DMD: variants seen among roughly 807,000 people sequenced by gnomAD.
The protein encoded by DMD is dystrophin, also known as mutant dystrophin.
A neutral mutation model predicts 330.1 loss-of-function variants in DMD; 63 were observed. That is an observed-to-expected ratio of 0.19 (90% CI 0.16 to 0.24). DMD has a LOEUF of 0.24. Among genes scored for constraint, DMD ranks in the 10% least tolerant of loss-of-function variants. The pLI, the probability that DMD is intolerant of heterozygous loss-of-function variation, is 1.00. For synonymous variants in DMD, 1,223 were observed against 959.8 expected (o/e 1.27, Z -5.07); for missense variants, 3,344 against 2,684.1 (o/e 1.25, Z -5.43).
At chrX:32,803,962 T>A (rs150613152) in intron 7 of DMD, among the ~76,000 whole-genome samples, 3,421 of 111,983 alleles carry the variant, frequency 0.031, 118 homozygotes, top group African/African-American at 0.099. Flanking sequence ...TGTAGATGTC[T>A]ATTAGGTCTG....
At chrX:32,358,548 A>G (rs1349203002) in intron 37 of DMD, among the ~76,000 whole-genome samples, 1 of 112,084 alleles carries the variant, frequency 8.9e-6, no homozygotes, top group African/African-American at 3.2e-5. Context: ...CTTTTTTCAA[A>G]GTCATTGGAT....
chrX:32,653,649 T>C (rs2060337180), intron 9 of DMD, among the ~76,000 whole-genome samples: 2 of 112,066 alleles, frequency 1.8e-5, no homozygotes, highest in Non-Finnish European at 3.8e-5. Flanking sequence ...GGGCTCTTTT[T>C]TGGTTCCATA....
chrX:31,851,030 G>T (rs865811291), intron 48 of DMD, among the ~76,000 whole-genome samples: 3 of 112,369 alleles, frequency 2.7e-5, no homozygotes, highest in Non-Finnish European at 3.8e-5. Flanking sequence ...AGTCCAGATT[G>T]TCAGTCAGAC....
chrX:32,899,838 G>A (rs767812119), intron 2 of DMD, among the ~76,000 whole-genome samples: 2 of 111,621 alleles, frequency 1.8e-5, no homozygotes, highest in East Asian at 2.8e-4. Flanking sequence ...TATATTCTCA[G>A]TAAAGTAAGA....
chrX:33,097,040 G>A (rs1290803123), intron 1 of DMD, among the ~76,000 whole-genome samples: 2 of 111,478 alleles, frequency 1.8e-5, no homozygotes, highest in Non-Finnish European at 3.8e-5. Flanking sequence ...TTTGGTCTCA[G>A]TATAGTTCTA....
intron 76 of DMD, among the ~76,000 whole-genome samples, chrX:31,143,530 T>C (rs1048279841): frequency 8.9e-6 from 1 of 112,005 alleles, no homozygotes; most frequent in African/African-American, 3.2e-5. Context: ...CAAGAAAAAG[T>C]ACCCTTGAAT....
chrX:31,219,833 T>TACAC (rs58717973), intron 64 of DMD, among the ~76,000 whole-genome samples: 12,671 of 100,202 alleles, frequency 0.13, 618 homozygotes, highest in Middle Eastern at 0.19. Context: ...GATCAATGTA[T>TACAC]ACACACACAC....
chrX:31,449,491 C>T (rs1209396864), intron 59 of DMD, among the ~76,000 whole-genome samples: 2 of 109,855 alleles, frequency 1.8e-5, no homozygotes, highest in African/African-American at 6.6e-5. Flanking sequence ...GACTGTGGCT[C>T]ACACATTTAG....
chrX:33,094,452 G>C (rs1304745698), intron 1 of DMD, among the ~76,000 whole-genome samples: 1 of 111,788 alleles, frequency 8.9e-6, no homozygotes, highest in Non-Finnish European at 1.9e-5. Context: ...ATACAGGGAG[G>C]AAGGGTGTCC....
chrX:32,143,544 T>C (rs1262405854), intron 44 of DMD, among the ~76,000 whole-genome samples: 1 of 109,457 alleles, frequency 9.1e-6, no homozygotes, highest in African/African-American at 3.3e-5. Context: ...AAATACATTT[T>C]TTTTTTTTTT....
intron 62 of DMD, among the ~76,000 whole-genome samples, 190 bp downstream of exon 62, chrX:31,323,408 G>A (rs1038482419): frequency 2.7e-5 from 3 of 111,706 alleles, no homozygotes; most frequent in African/African-American, 3.3e-5. Context: ...CTTAAAAGTC[G>A]TTCCCCATTG....
At chrX:32,665,022 A>G (rs1478595962) in intron 9 of DMD, among the ~76,000 whole-genome samples, 1 of 112,169 alleles carries the variant, frequency 8.9e-6, no homozygotes, top group Non-Finnish European at 1.9e-5. Context: ...AAGTAAATGC[A>G]TGTCTCAAAT....
chrX:31,588,870 ATGT>A (rs1358818345), intron 55 of DMD, among the ~76,000 whole-genome samples: 1 of 81,770 alleles, frequency 1.2e-5, no homozygotes, highest in Non-Finnish European at 2.3e-5. Flanking sequence ...AGCAAAGTCT[ATGT>A]TTTTTTTTTT....
At chrX:32,735,146 G>C (rs980595991) in intron 7 of DMD, among the ~76,000 whole-genome samples, 8 of 108,090 alleles carry the variant, frequency 7.4e-5, no homozygotes, top group Non-Finnish European at 5.7e-5. Context: ...GCCAAATCAT[G>C]AGTGAACTCC....
At chrX:32,625,035 G>T (rs1327377960) in intron 11 of DMD, among the ~76,000 whole-genome samples, 1 of 111,869 alleles carries the variant, frequency 8.9e-6, no homozygotes, top group East Asian at 2.8e-4. Context: ...GCCGGGAGTG[G>T]TGGCACATGC....
intron 20 of DMD, among the ~76,000 whole-genome samples, chrX:32,489,852 T>C (rs2042829211): frequency 8.9e-6 from 1 of 112,046 alleles, no homozygotes; most frequent in Non-Finnish European, 1.9e-5. Flanking sequence ...GCATTGGTTC[T>C]ATTCTTAAAT....
intron 2 of DMD, among the ~76,000 whole-genome samples, chrX:32,972,496 G>T (rs1384163092): frequency 9.0e-6 from 1 of 111,710 alleles, no homozygotes; most frequent in Non-Finnish European, 1.9e-5. Context: ...AATTGTTATT[G>T]ATGTCACTAA....
chrX:32,852,575 T>C (rs1229163641), intron 2 of DMD, among the ~76,000 whole-genome samples: 1 of 111,324 alleles, frequency 9.0e-6, no homozygotes, highest in African/African-American at 3.3e-5. Flanking sequence ...AGGTAGACCA[T>C]CAAGCAAGCT....
At chrX:31,666,031 A>C (rs1322202861) in intron 53 of DMD, among the ~76,000 whole-genome samples, 1 of 111,707 alleles carries the variant, frequency 9.0e-6, no homozygotes, top group Non-Finnish European at 1.9e-5. Flanking sequence ...TGTAATTAAC[A>C]AATCACCCAG....
Sources: gnomAD v4.1 joint callset for allele counts (sites outside exome capture counted in the v4.1 genomes callset) on GRCh38, gnomAD v4.1.1 for gene constraint, MANE v1.5 for transcripts, NCBI Gene and HGNC (gene_info 2026-07-23, HGNC 2026-07-21) for gene names.